DNAH10: variants seen among roughly 807,000 people sequenced by gnomAD.
DNAH10 encodes dynein axonemal heavy chain 10, also known as axonemal beta dynein heavy chain 10.
DNAH10 carries 348 observed loss-of-function variants against 506.6 expected under a neutral mutation model. That is an observed-to-expected ratio of 0.69 (90% CI 0.63 to 0.75). The LOEUF is 0.75. Ranked by LOEUF, DNAH10 falls within the 30% of genes least tolerant of loss-of-function variation. The pLI, the probability that DNAH10 is intolerant of heterozygous loss-of-function variation, is 0.00. For missense variants in DNAH10, 5,179 were observed against 5,787.1 expected, an observed-to-expected ratio of 0.89 and a Z score of 3.41; for synonymous variants, 2,059 against 2,198.6, an observed-to-expected ratio of 0.94 and a Z score of 1.78.
At position 123,818,950 on chromosome 12, in the gene DNAH10, C is replaced by T. The variant is rs1959191621; in HGVS notation, c.3781C>T (p.Pro1261Ser). The T allele has an allele frequency of 5.0e-6, 8 of 1,584,694 alleles. No individual in the cohort carries two copies. The highest frequency in any genetic ancestry group is 6.9e-6 in the Non-Finnish European group (8 of 1,161,936). Residue 1261 changes from proline (P) to serine (S), a missense_variant and splice_region_variant, in exon 22 of 79, where the codon CCT becomes TCT. Around this residue, in one of 3 missense-constraint regions of DNAH10, gnomAD observed 4,844 missense variants for 5,430.5 expected, o/e 0.89. Transcript: ENST00000673944. ...YRTMAMYNLF[P>S]PDAEKELVDK... ...TCTGTTTTTTGTTTCTCCTAATTAGCCTCCTGATGCAGAGAAAGAACTGGT... is the reference window on the plus strand; with the variant it reads ...TCTGTTTTTTGTTTCTCCTAATTAGTCTCCTGATGCAGAGAAAGAACTGGT...
chr12:123,851,140 G>C, intron 35 of DNAH10, 64 bp downstream of exon 35: 1 of 1,497,220 alleles, frequency 6.7e-7, no homozygotes, highest in South Asian at 1.3e-5. Context: ...CTTCCAGACT[G>C]GGGACCTAGG....
chr12:123,768,249 C>T (rs1957123635), intron 2 of DNAH10, among the ~76,000 whole-genome samples: 1 of 152,154 alleles, frequency 6.6e-6, no homozygotes, highest in South Asian at 2.1e-4. Flanking sequence ...ATTCTCCTGC[C>T]TCAGCCTCCC....
In DNAH10 at chr12:123,861,097, C is replaced by T. The variant is rs374772941; in HGVS notation, c.6835C>T (p.Arg2279Ter). The T allele has an allele frequency of 8.7e-6, 14 of 1,613,904 alleles. No individual in the cohort carries two copies. Among genetic ancestry groups the T allele is most frequent in the Middle Eastern group, 1.6e-4 (1 of 6,062 alleles). ...CTACGGCATCCTGGACCCAACCACC[C>T]GAGACTGGACAGATGGGGTGTTGTC... ...ELYGILDPTT[R>*]DWTDGVLSNI... The change falls in exon 39 of 79, where the codon CGA becomes TGA. Residue 2279 changes from arginine (R) to a stop codon, truncating the protein, a stop_gained. Transcript: ENST00000673944. LOFTEE classifies it high-confidence loss of function.
intron 5 of DNAH10, among the ~76,000 whole-genome samples, chr12:123,777,304 C>G (rs941995196): frequency 2.0e-5 from 3 of 152,128 alleles, no homozygotes. Flanking sequence ...AAAGTTAGGA[C>G]GTGGGTGATC....
In DNAH10 at chr12:123,907,700, C is replaced by G. The variant is rs1379609475; in HGVS notation, c.9816-1561C>G. Among the ~76,000 whole-genome samples the G allele has an allele frequency of 6.6e-6, 1 of 152,224 alleles. No individual in the cohort carries two copies. The highest frequency in any genetic ancestry group is 2.4e-5 in the African/African-American group (1 of 41,456). The stretch of plus-strand genomic sequence containing the variant: ...CGCCGCAGGCCTGGGCTCCTTCTGT[C>G]TTGAATCTGAAAACATCTGCCCCAT... On this transcript the variant is annotated intron_variant, in intron 57 of 78. Coordinates refer to ENST00000673944, the MANE Select transcript of DNAH10 (RefSeq NM_001372106.1). This position sits in a 1 kb window ranked among gnomAD's most constrained non-coding sequence, Gnocchi z 4.4.
chr12:123,785,111 A>C lies in DNAH10; in HGVS notation c.1231-635A>C, dbSNP rs949895673. ...ATTCATGTATTATGCATAGGAGTGG[A>C]ATAGCTGGGTCATATATGGTAACTG... On this transcript the variant is annotated intron_variant, in intron 8 of 78. Transcript: ENST00000673944. The surrounding 1 kb of genome is among the most constrained non-coding windows in gnomAD (Gnocchi z 4.1). Among the ~76,000 whole-genome samples, 1 of 152,200 alleles carries C rather than the reference A, an allele frequency of 6.6e-6. No individual in the cohort carries two copies. Among genetic ancestry groups the C allele is most frequent in the African/African-American group, 2.4e-5 (1 of 41,444 alleles).
intron 78 of DNAH10, 101 bp from the exon 79 acceptor site, chr12:123,935,234 T>C: frequency 6.9e-7 from 1 of 1,445,324 alleles, no homozygotes; most frequent in Non-Finnish European, 9.5e-7. Context: ...GGTGCAGTCT[T>C]GCACAGGGGC....
Position 123,776,024 on chromosome 12 carries a change from C to CTCATGAGAACTCACTCACTA in DNAH10, c.621+1771_621+1790dup, listed in dbSNP as rs1287504326. 5.9e-5 allele frequency among the ~76,000 whole-genome samples: 9 copies of CTCATGAGAACTCACTCACTA among 152,158 alleles called. No individual in the cohort carries two copies. The South Asian group carries it at 6.2e-4, about 11-fold the overall frequency. ...AAAGCCGCTTATAAAACCATCAGATCTCATGAGAACTCACTCACTATCATG... is the reference window on the plus strand; with the variant it reads ...AAAGCCGCTTATAAAACCATCAGATCTCATGAGAACTCACTCACTATCATGAGAACTCACTCACTATCATG... On this transcript the variant is annotated intron_variant, in intron 5 of 78. Coordinates refer to ENST00000673944, the MANE Select transcript of DNAH10 (RefSeq NM_001372106.1).
intron 39 of DNAH10, 39 bp from the exon 40 acceptor site, chr12:123,864,556 C>G (rs1951730385): frequency 1.2e-6 from 2 of 1,608,922 alleles, no homozygotes; most frequent in Admixed American, 1.7e-5. Flanking sequence ...ATTGGAAGCT[C>G]TCTAGGACCC....
At chr12:123,766,505 C>T (rs1245117297) in intron 1 of DNAH10, among the ~76,000 whole-genome samples, 1 of 152,172 alleles carries the variant, frequency 6.6e-6, no homozygotes, top group Non-Finnish European at 1.5e-5. Flanking sequence ...TTCTACCTAA[C>T]TTGATAGATT....
In DNAH10 at chr12:123,801,365, A is replaced by G; in HGVS notation, c.2547A>G (p.Lys849=). 3 of 1,614,240 alleles carry G rather than the reference A, an allele frequency of 1.9e-6. No individual in the cohort carries two copies. The highest frequency in any genetic ancestry group is 1.1e-5 in the South Asian group (1 of 91,080). The part of the protein sequence containing the change: ...TLNDAESVLL[K]DHSQELLRVF... ...ACGATGCGGAGTCTGTGCTTCTCAA[A>G]GATCATTCCCAGGAACTGCTCCGAG... is the stretch of plus-strand genomic sequence containing the variant. Residue 849 remains lysine, a synonymous_variant, in exon 16 of 79, where the codon AAA becomes AAG. Coordinates refer to ENST00000673944, the MANE Select transcript of DNAH10 (RefSeq NM_001372106.1).
chr12:123,852,704 G>C lies in DNAH10; in HGVS notation c.6292-502G>C, dbSNP rs926403022. ...TTCTCCTGCCTCAGCCTCCCAAGTA[G>C]CTGGGATTATAGGCATGCGCCACCA... On this transcript the variant is annotated intron_variant, in intron 35 of 78. Transcript: ENST00000673944. Among the ~76,000 whole-genome samples the C allele has an allele frequency of 2.6e-5, 4 of 151,992 alleles. No individual in the cohort carries two copies. The East Asian group carries it at 7.7e-4, about 29-fold the overall frequency.
Position 123,887,300 on chromosome 12 carries a change from C to T in DNAH10, c.8982C>T (p.Asn2994=), listed in dbSNP as rs748387473. 3 of 1,613,610 alleles carry T rather than the reference C, an allele frequency of 1.9e-6. No individual in the cohort carries two copies. Among genetic ancestry groups the T allele is most frequent in the East Asian group, 2.2e-5 (1 of 44,882 alleles). The change falls in exon 52 of 79, where the codon AAC becomes AAT. Residue 2994 remains asparagine, a synonymous_variant. Transcript: ENST00000673944. ...AGGGCTTCCTGGAGCTCATCAACAA[C>T]ATGCTGACCTCAGGTACAGCCAAGG... ...AEEGFLELIN[N]MLTSGIVPAL...
intron 19 of DNAH10, among the ~76,000 whole-genome samples, chr12:123,810,233 C>T (rs1430804416): frequency 6.6e-6 from 1 of 152,178 alleles, no homozygotes; most frequent in East Asian, 1.9e-4. Flanking sequence ...GAAAATAGAG[C>T]TGTCTTTGTG....
chr12:123,836,702 C>CT (rs1961162685), intron 28 of DNAH10, among the ~76,000 whole-genome samples: 1 of 152,118 alleles, frequency 6.6e-6, no homozygotes, highest in Non-Finnish European at 1.5e-5. Flanking sequence ...TGCATAAGCT[C>CT]TTTTTTTAAA....
rs1955029052 is a variant in DNAH10, at chr12:123,928,153, T to C, written c.12106-234T>C. 1 of 593,998 alleles carries C rather than the reference T, an allele frequency of 1.7e-6. No individual in the cohort carries two copies. The highest frequency in any genetic ancestry group is 2.0e-5 in the South Asian group (1 of 49,120). The allele number at this position is 593,998 out of a possible 1,614,324, so 36.8% of individuals were successfully genotyped here. ...GCCAGGGAGGCAGATGAGTGCAAAA[T>C]GCTCACCCATCTTCCAGGCTGGGTG... is the stretch of plus-strand genomic sequence containing the variant. On this transcript the variant is annotated intron_variant, in intron 69 of 78. Coordinates refer to ENST00000673944, the MANE Select transcript of DNAH10 (RefSeq NM_001372106.1). The surrounding 1 kb of genome is among the most constrained non-coding windows in gnomAD (Gnocchi z 4.9).
At chr12:123,865,326 C>G (rs1186792356) in intron 40 of DNAH10, among the ~76,000 whole-genome samples, 1 of 151,740 alleles carries the variant, frequency 6.6e-6, no homozygotes, top group African/African-American at 2.4e-5. Flanking sequence ...TTCCTGGAGG[C>G]TATTCTCCAA....
intron 5 of DNAH10, 38 bp from the exon 6 acceptor site, chr12:123,781,042 G>A (rs748547598): frequency 1.4e-6 from 2 of 1,467,316 alleles, no homozygotes; most frequent in East Asian, 5.0e-5. Context: ...TATTGAAAAT[G>A]ACTTCATATG....
At chr12:123,794,992 T>G (rs1460274574) in intron 12 of DNAH10, among the ~76,000 whole-genome samples, 1 of 150,976 alleles carries the variant, frequency 6.6e-6, no homozygotes, top group South Asian at 2.1e-4. Flanking sequence ...TTACTAAAAA[T>G]ACAAAAATTA....
Sources: gnomAD v4.1 joint callset for allele counts (sites outside exome capture counted in the v4.1 genomes callset) on GRCh38, gnomAD v4.1.1 for gene constraint, gnomAD v4.1.1 regional missense constraint, Gnocchi (gnomAD v3.1) non-coding constraint, MANE v1.5 for transcripts, NCBI Gene and HGNC (gene_info 2026-07-23, HGNC 2026-07-21) for gene names.